BCLAF1: variants seen among roughly 807,000 people sequenced by gnomAD.
BCLAF1 encodes the protein BCL2 associated transcription factor 1.
A neutral mutation model predicts 99.5 loss-of-function variants in BCLAF1; 10 were observed. That is an observed-to-expected ratio of 0.10 (90% CI 0.06 to 0.17). The LOEUF (loss-of-function observed/expected upper bound fraction) is 0.17. BCLAF1 is among the 10% of genes least tolerant of loss of function. The pLI, the probability that BCLAF1 is intolerant of heterozygous loss-of-function variation, is 1.00. For missense variants in BCLAF1, 636 were observed against 1,105.8 expected, an observed-to-expected ratio of 0.58 and a Z score of 6.02; for synonymous variants, 255 against 370.9, an observed-to-expected ratio of 0.69 and a Z score of 3.59.
chr6:136,263,920 A>G (rs1447882704), intron 11 of BCLAF1, among the ~76,000 whole-genome samples: 3 of 152,254 alleles, frequency 2.0e-5, no homozygotes, highest in Non-Finnish European at 4.4e-5. Context: ...GAAAATTCAA[A>G]AAGAATGCAA....
At chr6:136,279,402 CA>C (rs1269186876) in intron 3 of BCLAF1, 1 of 155,624 alleles carries the variant, frequency 6.4e-6, no homozygotes, top group Non-Finnish European at 1.4e-5. Context: ...CAAAGATTCA[CA>C]GTCAGAAATG....
intron 11 of BCLAF1, among the ~76,000 whole-genome samples, chr6:136,263,879 C>T (rs1247703586): frequency 6.6e-6 from 1 of 152,170 alleles, no homozygotes; most frequent in Non-Finnish European, 1.5e-5. Flanking sequence ...AACATTACCA[C>T]ACCTTTGCAT....
At chr6:136,271,921 A>G in intron 8 of BCLAF1, 74 bp downstream of exon 8, 1 of 1,114,708 alleles carries the variant, frequency 9.0e-7, no homozygotes, top group Non-Finnish European at 1.3e-6. Context: ...TTTTGCCTTG[A>G]GAAACTATAT....
At chr6:136,277,034 GA>G (rs1295148137) in intron 4 of BCLAF1, among the ~76,000 whole-genome samples, 1 of 152,092 alleles carries the variant, frequency 6.6e-6, no homozygotes, top group Non-Finnish European at 1.5e-5. Flanking sequence ...CTATTTCATA[GA>G]AACTAATGAT....
chr6:136,273,592 A>T (rs1189259306), intron 6 of BCLAF1: 1 of 160,150 alleles, frequency 6.2e-6, no homozygotes, highest in East Asian at 1.8e-4. Flanking sequence ...GAGTTAACTA[A>T]AAAGCTTGTT....
chr6:136,256,836 CA>C lies in BCLAF1; in HGVS notation c.*4273del, dbSNP rs1780507504. On this transcript the variant is annotated 3_prime_UTR_variant, in exon 13 of 13. Coordinates refer to ENST00000531224, the MANE Select transcript of BCLAF1 (RefSeq NM_014739.3). ...AAATTATTTTCCATAGTGAAGGACT[CA>C]AGGTAGCAAATAATCCACTATTCTG... The C allele has an allele frequency of 6.6e-6, 1 of 152,160 alleles. No individual in the cohort carries two copies. Among genetic ancestry groups the C allele is most frequent in the South Asian group, 2.1e-4 (1 of 4,826 alleles). The allele number at this position is 152,160 out of a possible 1,614,324, so 9.4% of individuals were successfully genotyped here. A position where few individuals can be genotyped will look rare whatever the true frequency, so the allele number is the denominator to read the frequency against.
At chr6:136,262,876 A>G (rs971304503) in intron 11 of BCLAF1, among the ~76,000 whole-genome samples, 2 of 152,134 alleles carry the variant, frequency 1.3e-5, no homozygotes, top group Non-Finnish European at 2.9e-5. Context: ...TTGGAGTAGA[A>G]GCATGGGTTT....
Position 136,278,275 on chromosome 6 carries a change from A to T in BCLAF1, c.606T>A (p.Phe202Leu). 1 of 1,614,166 alleles carries T rather than the reference A, an allele frequency of 6.2e-7. No individual in the cohort carries two copies. The highest frequency in any genetic ancestry group is 8.5e-7 in the Non-Finnish European group (1 of 1,180,020). Residue 202 changes from phenylalanine (F) to leucine (L), a missense_variant, in exon 4 of 13, where the codon TTT becomes TTA. Phe to Leu is a conservative substitution (Grantham distance 22). This residue lies in a region of BCLAF1 where 65 missense variants were observed against 90.9 expected (regional missense o/e 0.71). Coordinates refer to ENST00000531224, the MANE Select transcript of BCLAF1 (RefSeq NM_014739.3). The stretch of plus-strand genomic sequence containing the variant: ...CACCGGATGTGGCTGATGACTTATT[A>T]AATTCATCGATAGACTCAGATGGGT... ...EHDPSESIDE[F>L]NKSSATSGDI...
chr6:136,272,711 T>C (rs879364619), intron 7 of BCLAF1, among the ~76,000 whole-genome samples: 1 of 151,936 alleles, frequency 6.6e-6, no homozygotes, highest in African/African-American at 2.4e-5. Flanking sequence ...AACACAACTA[T>C]CTGACTTCAA....
chr6:136,258,991 T>C lies in BCLAF1; in HGVS notation c.*2119A>G, dbSNP rs897878569. ...ATTTCCTAGCACTTGTAAGCAAATA[T>C]CCTTACCAAGAGGAACCATTCAACT... On this transcript the variant is annotated 3_prime_UTR_variant, in exon 13 of 13. Coordinates refer to ENST00000531224, the MANE Select transcript of BCLAF1 (RefSeq NM_014739.3). 14 of 152,458 alleles carry C rather than the reference T, an allele frequency of 9.2e-5. No homozygotes were observed. The highest frequency in any genetic ancestry group is 3.4e-4 in the African/African-American group (14 of 41,444). 9.4% of individuals were successfully genotyped at this position (152,458 alleles called of 1,614,324 possible). A position where few individuals can be genotyped will look rare whatever the true frequency, so the allele number is the denominator to read the frequency against.
intron 1 of BCLAF1, among the ~76,000 whole-genome samples, chr6:136,289,361 G>A (rs893251072): frequency 6.6e-6 from 1 of 152,140 alleles, no homozygotes; most frequent in African/African-American, 2.4e-5. Context: ...CGTGCGCGGA[G>A]CGTTCAGTCG....
intron 7 of BCLAF1, among the ~76,000 whole-genome samples, chr6:136,272,343 G>A (rs1442184273): frequency 1.3e-5 from 2 of 151,854 alleles, no homozygotes; most frequent in Non-Finnish European, 2.9e-5. Flanking sequence ...ATCAAAAATA[G>A]AAAAAATGTG....
intron 1 of BCLAF1, among the ~76,000 whole-genome samples, chr6:136,286,912 G>A (rs2128493824): frequency 6.6e-6 from 1 of 152,230 alleles, no homozygotes; most frequent in African/African-American, 2.4e-5. Flanking sequence ...AGGTTGCAGT[G>A]AGCCATGATC....
At chr6:136,272,101 T>C (rs762532052) in intron 7 of BCLAF1, 22 bp from the exon 8 acceptor site, 3 of 1,497,222 alleles carry the variant, frequency 2.0e-6, no homozygotes, top group Non-Finnish European at 2.7e-6. Flanking sequence ...ATAAAATATA[T>C]TTTTAGTCAT....
chr6:136,277,779 T>C, intron 4 of BCLAF1, 86 bp downstream of exon 4: 1 of 1,447,808 alleles, frequency 6.9e-7, no homozygotes, highest in Non-Finnish European at 9.2e-7. Flanking sequence ...GTTAAATACA[T>C]ATCACAATTT....
chr6:136,281,316 A>G (rs183770052), intron 2 of BCLAF1, among the ~76,000 whole-genome samples: 2 of 152,338 alleles, frequency 1.3e-5, no homozygotes, highest in East Asian at 1.9e-4. Flanking sequence ...TAGCATTAAC[A>G]TAAGGAGATC....
intron 1 of BCLAF1, among the ~76,000 whole-genome samples, chr6:136,286,256 G>A (rs1433643169): frequency 6.6e-6 from 1 of 152,268 alleles, no homozygotes; most frequent in East Asian, 1.9e-4. Context: ...TGTAAACAAA[G>A]TAATGCTATT....
chr6:136,266,783 G>A (rs768044100), intron 11 of BCLAF1, among the ~76,000 whole-genome samples: 4 of 151,900 alleles, frequency 2.6e-5, no homozygotes, highest in African/African-American at 9.7e-5. Context: ...CTGAATGTGG[G>A]TAACAAATCA....
intron 11 of BCLAF1, among the ~76,000 whole-genome samples, chr6:136,263,943 T>A (rs1014829793): frequency 1.3e-5 from 2 of 152,204 alleles, no homozygotes; most frequent in Non-Finnish European, 2.9e-5. Context: ...AAGATTACTA[T>A]AACTCAGTAT....
Sources: gnomAD v4.1 joint callset for allele counts (sites outside exome capture counted in the v4.1 genomes callset) on GRCh38, gnomAD v4.1.1 for gene constraint, gnomAD v4.1.1 regional missense constraint, MANE v1.5 for transcripts, NCBI Gene and HGNC (gene_info 2026-07-23, HGNC 2026-07-21) for gene names.